The following CEP104 variants were observed in gnomAD, a reference collection of about 807,000 sequenced individuals.
CEP104 encodes the protein centrosomal protein of 104 kDa.
Under a neutral mutation model 113.3 loss-of-function variants are expected in CEP104, and 84 were observed. The observed-to-expected ratio is 0.74, with a 90% CI of 0.62 to 0.89. CEP104 has a LOEUF of 0.89. Ranked by LOEUF, CEP104 falls within the 40% of genes least tolerant of loss-of-function variation. The probability of loss-of-function intolerance (pLI) is 0.00; values close to 1 mark genes in which losing one functional copy is unlikely to be tolerated. For missense variants in CEP104, 1,053 were observed against 1,156.6 expected (o/e 0.91, Z 1.30); for synonymous variants, 378 against 421.7 (o/e 0.90, Z 1.27).
At position 3,813,268 on chromosome 1, in the gene CEP104, C is replaced by CT; in HGVS notation, c.*2133_*2134insA. 1 of 61,010 alleles carries CT rather than the reference C, an allele frequency of 1.6e-5. No homozygotes were observed. The highest frequency in any genetic ancestry group is 3.8e-4 in the East Asian group (1 of 2,646). 3.8% of individuals were successfully genotyped at this position (61,010 alleles called of 1,614,324 possible). A position where few individuals can be genotyped will look rare whatever the true frequency, so the allele number is the denominator to read the frequency against. ...CTCTCCTTATACTTTTTTTTTTTTT[C>CT]GAGACGGAGTCTCGCTCTGTCGCCT... On this transcript the variant is annotated 3_prime_UTR_variant, in exon 22 of 22. Transcript: ENST00000378230.
chr1:3,832,955 A>T (rs1199862783), intron 12 of CEP104, among the ~76,000 whole-genome samples: 19 of 148,972 alleles, frequency 1.3e-4, no homozygotes, highest in African/African-American at 4.7e-4. Flanking sequence ...TGCTGGGATT[A>T]TGGGCGTGAG....
At chr1:3,852,039 C>T (rs2124699598) in intron 2 of CEP104, among the ~76,000 whole-genome samples, 1 of 152,300 alleles carries the variant, frequency 6.6e-6, no homozygotes, top group East Asian at 1.9e-4. Flanking sequence ...TACGGGGCCT[C>T]ATTTCTCTTC....
chr1:3,854,732 G>A (rs997520095), intron 1 of CEP104, among the ~76,000 whole-genome samples: 3 of 150,910 alleles, frequency 2.0e-5, no homozygotes, highest in Non-Finnish European at 4.4e-5. Context: ...GCCCGCCTTG[G>A]CCTCCCAAAG....
rs1644200591 is a variant in CEP104, at chr1:3,831,180, G to A, written c.1702C>T (p.Pro568Ser). 1.7e-5 allele frequency: 27 copies of A among 1,614,056 alleles called. No homozygotes were observed. The highest frequency in any genetic ancestry group is 2.3e-5 in the Non-Finnish European group (27 of 1,179,998). Residue 568 changes from proline (P) to serine (S), a missense_variant, in exon 13 of 22, where the codon CCA becomes TCA. Transcript: ENST00000378230. ...TTCAATGGCTGCACCAGGTAGGATG[G>A]AATAATTTGGAGAGACTTAACTTCT... is the stretch of plus-strand genomic sequence containing the variant. ...FKEVKSLQII[P>S]SYLVQPLKAN...
chr1:3,820,437 A>G (rs1643948419), intron 20 of CEP104, among the ~76,000 whole-genome samples: 1 of 58,814 alleles, frequency 1.7e-5, no homozygotes, highest in African/African-American at 1.2e-4. Context: ...AAGGGGCAGG[A>G]TGCCCTGTAG....
chr1:3,816,225 A>T (rs1164904415), intron 21 of CEP104, 55 bp downstream of exon 21: 1 of 1,457,860 alleles, frequency 6.9e-7, no homozygotes. Flanking sequence ...GCTTTTTTGA[A>T]TAAGTCAAAA....
intron 4 of CEP104, 112 bp downstream of exon 4, chr1:3,847,363 G>T: frequency 9.0e-7 from 1 of 1,107,782 alleles, no homozygotes. Context: ...TCCCAGAAGA[G>T]ATCCTCTCTT....
intron 6 of CEP104, among the ~76,000 whole-genome samples, chr1:3,840,757 C>T (rs369864310): frequency 6.6e-6 from 1 of 152,130 alleles, no homozygotes; most frequent in South Asian, 2.1e-4. Context: ...CCAGGTTGGT[C>T]TGGAACTCCT....
rs1182968238 is a variant in CEP104 at position 3,834,948 on chromosome 1, C to T, written c.1462G>A (p.Ala488Thr). The T allele has an allele frequency of 9.4e-6, 15 of 1,599,180 alleles. No individual in the cohort carries two copies. Among genetic ancestry groups the T allele is most frequent in the Non-Finnish European group, 1.3e-5 (15 of 1,172,298 alleles). ...ACGGAGGTCACAATGTCCTTTATGG[C>T]TCTTCTAACGAGAAAGACGGATGCT... ...LRASVFLVRR[A>T]IKDIVTSVFQ... The change falls in exon 11 of 22, where the codon GCC becomes ACC. Residue 488 changes from alanine (A) to threonine (T), a missense_variant. Ala to Thr is a moderately conservative substitution (Grantham distance 58, BLOSUM62 0). Transcript: ENST00000378230.
chr1:3,845,178 G>A lies in CEP104; in HGVS notation c.489+111C>T, dbSNP rs567619665. 1.0e-4 allele frequency: 92 copies of A among 897,532 alleles called. 1 individual carries two copies. In the South Asian group the frequency reaches 1.4e-3, roughly 14 times the overall value. 55.6% of individuals were successfully genotyped at this position (897,532 alleles called of 1,614,324 possible). A position where few individuals can be genotyped will look rare whatever the true frequency, so the allele number is the denominator to read the frequency against. The stretch of plus-strand genomic sequence containing the variant: ...AAAATCATCTGAAAGTTATTCACTA[G>A]TCAATTTTATGCAGATTATAAAAAT... On this transcript the variant is annotated intron_variant, in intron 5 of 21. Transcript: ENST00000378230.
chr1:3,841,907 A>T (rs1306576042), intron 6 of CEP104, among the ~76,000 whole-genome samples: 1 of 152,262 alleles, frequency 6.6e-6, no homozygotes, highest in East Asian at 1.9e-4. Flanking sequence ...CAGTAAGGGC[A>T]GAGCCCCAGC....
intron 1 of CEP104, among the ~76,000 whole-genome samples, chr1:3,853,813 G>C (rs907788751): frequency 2.6e-5 from 4 of 152,274 alleles, no homozygotes; most frequent in African/African-American, 9.6e-5. Flanking sequence ...AACAGGATGA[G>C]GCTGGGTGTG....
intron 3 of CEP104, among the ~76,000 whole-genome samples, chr1:3,848,334 C>A (rs1243201365): frequency 6.6e-6 from 1 of 151,890 alleles, no homozygotes; most frequent in African/African-American, 2.4e-5. Flanking sequence ...AGATCGAGAC[C>A]ATCCTGGCTA....
At chr1:3,844,057 G>A (rs531837772) in intron 6 of CEP104, among the ~76,000 whole-genome samples, 6 of 151,658 alleles carry the variant, frequency 4.0e-5, no homozygotes, top group Non-Finnish European at 2.9e-5. Context: ...CACTGCACCC[G>A]GCAAAATTGT....
intron 2 of CEP104, 67 bp from the exon 3 acceptor site, chr1:3,848,848 T>C (rs1644558831): frequency 7.4e-7 from 1 of 1,356,760 alleles, no homozygotes; most frequent in Admixed American, 1.9e-5. Flanking sequence ...TGCTAGCATC[T>C]CATTCTTGCA....
At position 3,845,602 on chromosome 1, in the gene CEP104, T is replaced by C. The variant is rs1443473943; in HGVS notation, c.427-251A>G. 3.9e-5 allele frequency among the ~76,000 whole-genome samples: 6 copies of C among 152,084 alleles called. No homozygotes were observed. The East Asian group carries it at 1.2e-3, about 29-fold the overall frequency. On this transcript the variant is annotated intron_variant, in intron 4 of 21. Transcript: ENST00000378230. ...TGTGTTTTTTTGCAGAGATAGGATT[T>C]CACCATGTTGCCCAGGCTGGACTTA...
chr1:3,855,462 C>T (rs991737724), intron 1 of CEP104, among the ~76,000 whole-genome samples: 39 of 151,962 alleles, frequency 2.6e-4, no homozygotes, highest in African/African-American at 8.5e-4. Flanking sequence ...AGCCGCCGAG[C>T]CTGGCTAGTC....
Position 3,829,316 on chromosome 1 carries a change from C to G in CEP104, c.2101G>C (p.Ala701Pro), listed in dbSNP as rs750177184. The G allele has an allele frequency of 5.0e-6, 8 of 1,601,736 alleles. No homozygotes were observed. The highest frequency in any genetic ancestry group is 1.4e-5 in the African/African-American group (1 of 73,908). ...AGTGCTGCCAGCTGCCCTTGTAAAG[C>G]TTTTATTTCTTCTTTCTTTTGTTTT... ...AEKQKKEEIKALQGQLAALKE... is the reference protein window; with the variant it reads ...AEKQKKEEIKPLQGQLAALKE... The change falls in exon 15 of 22, where the codon GCT (alanine) becomes CCT (proline). Residue 701 changes from alanine (A) to proline (P), a missense_variant. Transcript: ENST00000378230.
intron 21 of CEP104, 96 bp downstream of exon 21, chr1:3,816,184 G>C (rs1332199567): frequency 1.9e-6 from 2 of 1,031,704 alleles, no homozygotes. Context: ...TTAAAGGGAT[G>C]GGGTCTTGCC....
Sources: allele counts gnomAD v4.1 joint callset (sites outside exome capture counted in the v4.1 genomes callset), GRCh38; gene constraint gnomAD v4.1.1; transcripts MANE v1.5; gene names NCBI Gene and HGNC (gene_info 2026-07-23, HGNC 2026-07-21).